BLOC1S5: variants seen among roughly 807,000 people sequenced by gnomAD.
BLOC1S5 encodes biogenesis of lysosome-related organelles complex 1 subunit 5.
A neutral mutation model predicts 24.3 loss-of-function variants in BLOC1S5; 27 were observed. That is an observed-to-expected ratio of 1.11 (90% CI 0.82 to 1.53). The LOEUF (loss-of-function observed/expected upper bound fraction) is 1.53. Among genes scored for constraint, BLOC1S5 ranks in the 40% most tolerant of loss-of-function variants. The pLI, the probability that BLOC1S5 is intolerant of heterozygous loss-of-function variation, is 0.00. For synonymous variants in BLOC1S5, 84 were observed against 74.5 expected, an observed-to-expected ratio of 1.13 and a Z score of -0.66; for missense variants, 239 against 229.4, an observed-to-expected ratio of 1.04 and a Z score of -0.27.
At chr6:8,049,800 T>C (rs1182649559) in intron 2 of BLOC1S5, among the ~76,000 whole-genome samples, 1 of 152,038 alleles carries the variant, frequency 6.6e-6, no homozygotes, top group African/African-American at 2.4e-5. Flanking sequence ...CAACCTCCGC[T>C]TCCTGGGCTC....
intron 2 of BLOC1S5, among the ~76,000 whole-genome samples, chr6:8,047,182 A>T (rs1476308647): frequency 1.7e-4 from 24 of 145,040 alleles, no homozygotes; most frequent in African/African-American, 4.6e-4. Flanking sequence ...ACACACACAC[A>T]CACACACACA....
intron 2 of BLOC1S5, among the ~76,000 whole-genome samples, chr6:8,046,649 T>C (rs1384781407): frequency 3.2e-5 from 4 of 123,622 alleles, no homozygotes; most frequent in Non-Finnish European, 5.7e-5. Flanking sequence ...ACAATTCTCA[T>C]GACTGATTTT....
intron 4 of BLOC1S5, chr6:8,017,971 C>T (rs1762800346): frequency 6.6e-6 from 1 of 152,350 alleles, no homozygotes; most frequent in South Asian, 2.1e-4. Context: ...CTCCCCAGCA[C>T]CAAGACTGTT....
rs1400744045 is a variant in BLOC1S5, at chr6:8,064,169, C to G, written c.112+96G>C. On this transcript the variant is annotated intron_variant, in intron 1 of 4. Coordinates refer to ENST00000397457, the MANE Select transcript of BLOC1S5 (RefSeq NM_201280.3). ...ACCCGCACAAACGCACGCGCGCCAG[C>G]CCGGGACCCGGGGGTCGGCCCGGGT... 23 of 1,076,894 alleles carry G rather than the reference C, an allele frequency of 2.1e-5. No homozygotes were observed. The Admixed American group carries it at 7.8e-4, about 36-fold the overall frequency. The allele number at this position is 1,076,894 out of a possible 1,614,324, so 66.7% of individuals were successfully genotyped here. A position where few individuals can be genotyped will look rare whatever the true frequency, so the allele number is the denominator to read the frequency against.
intron 2 of BLOC1S5, among the ~76,000 whole-genome samples, chr6:8,045,249 C>T (rs1265526376): frequency 6.6e-6 from 1 of 152,232 alleles, no homozygotes; most frequent in Non-Finnish European, 1.5e-5. Flanking sequence ...TTGGCAGCTT[C>T]CAAGTAATGT....
At chr6:8,050,946 T>C (rs13201423) in intron 2 of BLOC1S5, among the ~76,000 whole-genome samples, 23,820 of 151,500 alleles carry the variant, frequency 0.16, 1,946 homozygotes, top group Admixed American at 0.19. Flanking sequence ...TGTTATTCCA[T>C]TGGGAGGCCG....
rs1375696702 is a variant in BLOC1S5, at chr6:8,029,117, ACCTC to A, written c.326-2696_326-2693del. ...ATTCTATCATGGTGTCTATAAGTAAACCTCAAATACACACGTAAGAAAATAATTT... is the reference window on the plus strand; with the variant it reads ...ATTCTATCATGGTGTCTATAAGTAAAAAATACACACGTAAGAAAATAATTT... On this transcript the variant is annotated intron_variant, in intron 3 of 4. Transcript: ENST00000397457. 1.2e-3 allele frequency among the ~76,000 whole-genome samples: 178 copies of A among 152,276 alleles called. 1 individual carries two copies. The highest frequency in any genetic ancestry group is 4.1e-3 in the African/African-American group (170 of 41,528).
Position 8,015,087 on chromosome 6 carries a change from C to G in BLOC1S5, c.*562G>C, listed in dbSNP as rs930342262. ...CGCTTCCCAAGAGGCAGCTCAAACACCAGCGTGGCCATCTTTGCCACAGCA... is the reference window on the plus strand; with the variant it reads ...CGCTTCCCAAGAGGCAGCTCAAACAGCAGCGTGGCCATCTTTGCCACAGCA... On this transcript the variant is annotated 3_prime_UTR_variant, in exon 5 of 5. Transcript: ENST00000397457. 7.2e-5 allele frequency: 11 copies of G among 152,718 alleles called. No individual in the cohort carries two copies. Among genetic ancestry groups the G allele is most frequent in the African/African-American group, 2.7e-4 (11 of 41,464 alleles). 9.5% of individuals were successfully genotyped at this position (152,718 alleles called of 1,614,324 possible).
chr6:8,050,709 T>C (rs1184340019), intron 2 of BLOC1S5, among the ~76,000 whole-genome samples: 3 of 151,744 alleles, frequency 2.0e-5, no homozygotes, highest in Non-Finnish European at 4.4e-5. Flanking sequence ...TTCAGGCAAT[T>C]CTCATGCCTC....
chr6:8,056,470 G>A (rs1764309906), intron 2 of BLOC1S5, among the ~76,000 whole-genome samples: 1 of 151,918 alleles, frequency 6.6e-6, no homozygotes, highest in Non-Finnish European at 1.5e-5. Context: ...TATTCAAGGG[G>A]GAAAAAAAAC....
chr6:8,030,865 C>CAAAAAAA (rs55692261), intron 3 of BLOC1S5, among the ~76,000 whole-genome samples: 2 of 118,546 alleles, frequency 1.7e-5, no homozygotes, highest in Admixed American at 8.7e-5. Flanking sequence ...GACCAACAGT[C>CAAAAAAA]AAAAAAAAAA....
intron 4 of BLOC1S5, among the ~76,000 whole-genome samples, chr6:8,018,988 A>T (rs1762828557): frequency 6.6e-6 from 1 of 152,372 alleles, no homozygotes; most frequent in Admixed American, 6.5e-5. Context: ...AGTCTTTAAG[A>T]CGCTGCAATA....
intron 2 of BLOC1S5, among the ~76,000 whole-genome samples, chr6:8,050,157 T>C (rs12524402): frequency 0.16 from 23,859 of 152,264 alleles, 1,946 homozygotes; most frequent in Admixed American, 0.19. Context: ...GAGCTCACCT[T>C]GTGTCCCTTT....
intron 3 of BLOC1S5, among the ~76,000 whole-genome samples, chr6:8,028,083 C>T (rs935809922): frequency 6.6e-6 from 1 of 152,002 alleles, no homozygotes; most frequent in African/African-American, 2.4e-5. Context: ...CTTGCCTTTG[C>T]TGAAATTGGA....
Position 8,034,280 on chromosome 6 carries a change from T to C in BLOC1S5, c.325+6859A>G, listed in dbSNP as rs553728512. Among the ~76,000 whole-genome samples the C allele has an allele frequency of 1.8e-4, 27 of 152,292 alleles. No homozygotes were observed. In the South Asian group the frequency reaches 4.6e-3, roughly 26 times the overall value. ...TTAAGAAAATGTGGCACATATACAC[T>C]ATGGAATACTATGCAGCCATAAAAA... is the stretch of plus-strand genomic sequence containing the variant. On this transcript the variant is annotated intron_variant, in intron 3 of 4. Transcript: ENST00000397457.
intron 2 of BLOC1S5, among the ~76,000 whole-genome samples, chr6:8,059,369 T>C (rs1037157891): frequency 6.6e-6 from 1 of 152,208 alleles, no homozygotes; most frequent in African/African-American, 2.4e-5. Context: ...CTTTTACAAA[T>C]AAAATTTTAT....
At chr6:8,060,367 G>A (rs1461001064) in intron 2 of BLOC1S5, among the ~76,000 whole-genome samples, 1 of 152,230 alleles carries the variant, frequency 6.6e-6, no homozygotes, top group Non-Finnish European at 1.5e-5. Flanking sequence ...AGAGGTCAGA[G>A]ATCATCTAGG....
chr6:8,036,517 T>G (rs1763494273), intron 3 of BLOC1S5, among the ~76,000 whole-genome samples: 1 of 152,132 alleles, frequency 6.6e-6, no homozygotes, highest in Admixed American at 6.5e-5. Context: ...ATAACAAGGT[T>G]GAAGCCATGA....
chr6:8,046,038 C>G (rs1268288361), intron 2 of BLOC1S5, among the ~76,000 whole-genome samples: 5 of 152,024 alleles, frequency 3.3e-5, no homozygotes, highest in Non-Finnish European at 7.4e-5. Context: ...TGGCTCTGTC[C>G]CCACCCAAAT....
Sources: gnomAD v4.1 joint callset for allele counts (sites outside exome capture counted in the v4.1 genomes callset) on GRCh38, gnomAD v4.1.1 for gene constraint, MANE v1.5 for transcripts, NCBI Gene and HGNC (gene_info 2026-07-23, HGNC 2026-07-21) for gene names.